Variants in AMBRA1 observed in about 807,000 individuals in gnomAD.
AMBRA1 encodes the protein activating molecule in BECN1-regulated autophagy protein 1.
A neutral mutation model predicts 125.4 loss-of-function variants in AMBRA1; 47 were observed. The observed-to-expected ratio is 0.37, with a 90% CI of 0.30 to 0.48. The LOEUF (loss-of-function observed/expected upper bound fraction) is 0.48. Among genes scored for constraint, AMBRA1 ranks in the 20% least tolerant of loss-of-function variants. The pLI is 0.99. For synonymous variants in AMBRA1, 626 were observed against 655.5 expected (o/e 0.95, Z 0.69); for missense variants, 1,331 against 1,693.4 (o/e 0.79, Z 3.76).
chr11:46,547,134 C>T lies in AMBRA1; in HGVS notation c.357G>A (p.Glu119=), dbSNP rs2042850731. The change falls in exon 4 of 18, where the codon GAG becomes GAA. Residue 119 remains glutamate (E), a synonymous_variant. Coordinates refer to ENST00000683756, the MANE Select transcript of AMBRA1 (RefSeq NM_001387011.1). ...TCACGTGTAAATCCCAAATCCTAACCTCCCCATCTAGGCAGCCAGAAGCAA... is the reference window on the plus strand; with the variant it reads ...TCACGTGTAAATCCCAAATCCTAACTTCCCCATCTAGGCAGCCAGAAGCAA... ...GLIASGCLDG[E]VRIWDLHGGS... is the part of the protein sequence containing the mutation. The T allele has an allele frequency of 1.2e-6, 2 of 1,611,746 alleles. No individual in the cohort carries two copies. Among genetic ancestry groups the T allele is most frequent in the Admixed American group, 1.7e-5 (1 of 59,416 alleles).
In AMBRA1 at chr11:46,593,988, G is replaced by C. The variant is rs917495789; in HGVS notation, c.-281C>G. 3 of 398,494 alleles carry C rather than the reference G, an allele frequency of 7.5e-6. No individual in the cohort carries two copies. In the Admixed American group the frequency reaches 1.3e-4, roughly 18 times the overall value. 24.7% of individuals were successfully genotyped at this position (398,494 alleles called of 1,614,324 possible). ...TCGCGGACAACTCAGCCCTCGACCC[G>C]GCGCCGCCGCCGCTCAGGAGACATC... On this transcript the variant is annotated 5_prime_UTR_variant, in exon 1 of 18. Coordinates refer to ENST00000683756, the MANE Select transcript of AMBRA1 (RefSeq NM_001387011.1).
intron 8 of AMBRA1, 25 bp downstream of exon 8, chr11:46,512,702 G>C (rs1248206623): frequency 3.1e-6 from 5 of 1,607,112 alleles, no homozygotes; most frequent in Non-Finnish European, 4.3e-6. Context: ...CCCCCACCTA[G>C]TGCCATTTCT....
intron 1 of AMBRA1, among the ~76,000 whole-genome samples, chr11:46,581,006 C>A (rs1332899268): frequency 2.0e-5 from 3 of 152,050 alleles, no homozygotes; most frequent in Admixed American, 6.6e-5. Flanking sequence ...GTCACCCATG[C>A]TGGTCTCAAA....
intron 11 of AMBRA1, among the ~76,000 whole-genome samples, chr11:46,460,191 G>A (rs527440983): frequency 2.1e-4 from 32 of 152,136 alleles, no homozygotes; most frequent in Non-Finnish European, 2.2e-4. Context: ...CAAGACATAC[G>A]AATGACTATT....
rs113891937 is a variant in AMBRA1, at chr11:46,518,352, C to A, written c.2073-5539G>T. On this transcript the variant is annotated intron_variant, in intron 7 of 17. Coordinates refer to ENST00000683756, the MANE Select transcript of AMBRA1 (RefSeq NM_001387011.1). ...AGCTGAGGCAGGAGAATGGCATGAA[C>A]CTGGGAGGCGGAGCTTGCAGTGAGC... The A allele has an allele frequency of 9.4e-3, 1,775 of 188,344 alleles. 42 individuals carry two copies. Among genetic ancestry groups the A allele is most frequent in the African/African-American group, 0.042 (1,687 of 40,486 alleles). 11.7% of individuals were successfully genotyped at this position (188,344 alleles called of 1,614,324 possible). A position where few individuals can be genotyped will look rare whatever the true frequency, so the allele number is the denominator to read the frequency against.
At chr11:46,511,174 T>C (rs1270027332) in intron 8 of AMBRA1, among the ~76,000 whole-genome samples, 1 of 152,230 alleles carries the variant, frequency 6.6e-6, no homozygotes, top group African/African-American at 2.4e-5. Flanking sequence ...CCTATTGCTG[T>C]CTTTATTGCA....
At chr11:46,485,055 G>T (rs1950218619) in intron 11 of AMBRA1, among the ~76,000 whole-genome samples, 1 of 149,644 alleles carries the variant, frequency 6.7e-6, no homozygotes, top group African/African-American at 2.5e-5. Context: ...CTCCTGCCTT[G>T]GCCTCCCGAA....
chr11:46,508,151 T>C, intron 9 of AMBRA1, 40 bp downstream of exon 9: 1 of 1,608,602 alleles, frequency 6.2e-7, no homozygotes, highest in Non-Finnish European at 8.5e-7. Flanking sequence ...ACTCCAAGCT[T>C]GAGAGGAGAG....
At chr11:46,515,955 T>C (rs905768091) in intron 7 of AMBRA1, among the ~76,000 whole-genome samples, 18 of 152,222 alleles carry the variant, frequency 1.2e-4, no homozygotes, top group Non-Finnish European at 2.6e-4. Context: ...ATTACAGGTG[T>C]GAGCCACTGT....
In AMBRA1 at chr11:46,568,237, C is replaced by G. The variant is rs369586410; in HGVS notation, c.-120-19737G>C. ...CTCTGGGTGGCCGAGGCAGGAAGAT[C>G]TCCTGAGGTCAAGAGTGCAAGACCA... On this transcript the variant is annotated intron_variant, in intron 1 of 17. Transcript: ENST00000683756. Among the ~76,000 whole-genome samples, 596 of 152,242 alleles carry G rather than the reference C, an allele frequency of 3.9e-3. 3 individuals are homozygous for G. Among genetic ancestry groups the G allele is most frequent in the African/African-American group, 0.014 (582 of 41,542 alleles).
intron 14 of AMBRA1, among the ~76,000 whole-genome samples, chr11:46,422,634 A>C (rs556344905): frequency 6.6e-6 from 1 of 152,136 alleles, no homozygotes; most frequent in African/African-American, 2.4e-5. Flanking sequence ...TTTAAAATGA[A>C]GAGGAAAAAG....
At chr11:46,480,245 T>G (rs1449289558) in intron 11 of AMBRA1, among the ~76,000 whole-genome samples, 1 of 152,188 alleles carries the variant, frequency 6.6e-6, no homozygotes, top group Non-Finnish European at 1.5e-5. Context: ...AGTAACATAT[T>G]CACAGGTTCT....
At chr11:46,400,023 C>G (rs962789874) in intron 17 of AMBRA1, among the ~76,000 whole-genome samples, 2 of 152,184 alleles carry the variant, frequency 1.3e-5, no homozygotes, top group Admixed American at 1.3e-4. Context: ...ACAGCCCAGG[C>G]ACTTGGTCAA....
intron 1 of AMBRA1, among the ~76,000 whole-genome samples, chr11:46,566,788 A>G (rs1057069062): frequency 6.6e-6 from 1 of 152,234 alleles, no homozygotes. Flanking sequence ...TCCTGTGCGT[A>G]GGACAAGCTA....
intron 11 of AMBRA1, among the ~76,000 whole-genome samples, chr11:46,481,472 T>C (rs1950066465): frequency 6.6e-6 from 1 of 152,210 alleles, no homozygotes; most frequent in Non-Finnish European, 1.5e-5. Flanking sequence ...CAAGTGATTC[T>C]CCTGCCTCAG....
chr11:46,467,448 T>C (rs1271648139), intron 11 of AMBRA1, among the ~76,000 whole-genome samples: 2 of 152,192 alleles, frequency 1.3e-5, no homozygotes, highest in Non-Finnish European at 2.9e-5. Flanking sequence ...AAGAGAAATG[T>C]TCTTGTCATC....
intron 2 of AMBRA1, 79 bp downstream of exon 2, chr11:46,548,167 T>C: frequency 1.3e-6 from 2 of 1,581,020 alleles, no homozygotes; most frequent in Non-Finnish European, 1.7e-6. Flanking sequence ...ATCCCAACTC[T>C]CTGCTGTTAA....
At position 46,447,332 on chromosome 11, in the gene AMBRA1, C is replaced by T. The variant is rs963551422; in HGVS notation, c.2522-3734G>A. Among the ~76,000 whole-genome samples, 6 of 152,006 alleles carry T rather than the reference C, an allele frequency of 3.9e-5. No homozygotes were observed. The East Asian group carries it at 7.7e-4, about 20-fold the overall frequency. ...GGAGGATCACTTGAGGTCAGGAGTT[C>T]GAGACCAGCGTGACCAACATGGTGA... On this transcript the variant is annotated intron_variant, in intron 11 of 17. Coordinates refer to ENST00000683756, the MANE Select transcript of AMBRA1 (RefSeq NM_001387011.1).
chr11:46,491,693 G>C (rs1242817224), intron 11 of AMBRA1, among the ~76,000 whole-genome samples: 1 of 152,180 alleles, frequency 6.6e-6, no homozygotes, highest in Non-Finnish European at 1.5e-5. Flanking sequence ...AGGGAGTCTA[G>C]AGTTCCTTCT....
Sources: allele counts gnomAD v4.1 joint callset (sites outside exome capture counted in the v4.1 genomes callset), GRCh38; gene constraint gnomAD v4.1.1; transcripts MANE v1.5; gene names NCBI Gene and HGNC (gene_info 2026-07-23, HGNC 2026-07-21).